PCDHA1: variants seen among roughly 807,000 people sequenced by gnomAD.
PCDHA1 encodes protocadherin alpha 1.
In PCDHA1, 42 loss-of-function variants were observed where a neutral mutation model predicts 61.3. That is an observed-to-expected ratio of 0.69 (90% CI 0.54 to 0.89). PCDHA1 has a LOEUF of 0.89. PCDHA1 is among the 40% of genes least tolerant of loss of function. The pLI is 0.00. For missense variants in PCDHA1, 1,256 were observed against 1,235.3 expected, an observed-to-expected ratio of 1.02 and a Z score of -0.25; for synonymous variants, 610 against 553.8, an observed-to-expected ratio of 1.10 and a Z score of -1.43.
At chr5:140,884,129 C>T (rs1554181252) in intron 1 of PCDHA1, 1 of 1,613,420 alleles carries the variant, frequency 6.2e-7, no homozygotes, top group Non-Finnish European at 8.5e-7. Context: ...CGCGCGCATC[C>T]CGTTCCGCGT....
At chr5:140,842,857 G>C in intron 1 of PCDHA1, 1 of 1,594,002 alleles carries the variant, frequency 6.3e-7, no homozygotes, top group Non-Finnish European at 8.6e-7. Flanking sequence ...CGGTGCACAC[G>C]GAGAGCGGCA....
chr5:140,799,901 A>C (rs1554121043), intron 1 of PCDHA1, among the ~76,000 whole-genome samples: 9 of 152,112 alleles, frequency 5.9e-5, no homozygotes, highest in Non-Finnish European at 1.0e-4. Flanking sequence ...CCCACTTCCA[A>C]ATGCGGCGAG....
intron 1 of PCDHA1, chr5:140,855,916 A>G (rs2043673154): frequency 8.4e-7 from 1 of 1,191,010 alleles, no homozygotes. Flanking sequence ...CTCAAGGACT[A>G]GGAAGTAGCG....
At chr5:140,928,856 T>G (rs540865490) in intron 1 of PCDHA1, 1 of 1,614,218 alleles carries the variant, frequency 6.2e-7, no homozygotes, top group African/African-American at 1.3e-5. Context: ...CTGGGTGTGC[T>G]GTTGAGCAAC....
chr5:140,787,580 G>C lies in PCDHA1; in HGVS notation c.1290G>C (p.Gly430=), dbSNP rs781921269. Residue 430 remains glycine, a synonymous_variant, in exon 1 of 4, where the codon GGG becomes GGC. Transcript: ENST00000504120. ...VYELVVTARD[G]GSPSLWATAR... The stretch of plus-strand genomic sequence containing the variant: ...AGCTGGTGGTGACCGCGCGGGACGG[G>C]GGCTCGCCTTCGCTGTGGGCCACGG... 9 of 1,614,166 alleles carry C rather than the reference G, an allele frequency of 5.6e-6. No homozygotes were observed. The African/African-American group carries it at 9.3e-5, about 17-fold the overall frequency.
chr5:140,967,334 A>T, intron 1 of PCDHA1: 1 of 1,608,228 alleles, frequency 6.2e-7, no homozygotes, highest in South Asian at 1.1e-5. Flanking sequence ...GCTCAGCCCC[A>T]GCGAGCACTT....
intron 3 of PCDHA1, among the ~76,000 whole-genome samples, chr5:140,996,703 C>G (rs2097740523): frequency 6.6e-6 from 1 of 152,132 alleles, no homozygotes; most frequent in African/African-American, 2.4e-5. Context: ...GAACCTCTAT[C>G]TCTTTGATTT....
At chr5:140,890,776 A>G (rs1554184541) in intron 1 of PCDHA1, among the ~76,000 whole-genome samples, 1 of 152,316 alleles carries the variant, frequency 6.6e-6, no homozygotes, top group Non-Finnish European at 1.5e-5. Flanking sequence ...TTAAAACCCC[A>G]TAAGATATTA....
chr5:140,790,210 G>A (rs782491676), intron 1 of PCDHA1, among the ~76,000 whole-genome samples: 4 of 152,156 alleles, frequency 2.6e-5, no homozygotes, highest in Non-Finnish European at 5.9e-5. Flanking sequence ...TGGGCAGCAC[G>A]TTTTATAGCA....
intron 1 of PCDHA1, among the ~76,000 whole-genome samples, chr5:140,833,509 G>A (rs2150209186): frequency 1.1e-3 from 173 of 152,196 alleles, no homozygotes; most frequent in African/African-American, 4.1e-3. Context: ...GTAAAAATAG[G>A]CATATATTCA....
intron 1 of PCDHA1, chr5:140,842,095 A>G: frequency 6.2e-7 from 1 of 1,613,924 alleles, no homozygotes; most frequent in Non-Finnish European, 8.5e-7. Flanking sequence ...CAGACAACGG[A>G]ACAACAGTTA....
intron 1 of PCDHA1, among the ~76,000 whole-genome samples, chr5:140,949,308 G>T (rs1323575169): frequency 6.6e-6 from 1 of 151,722 alleles, no homozygotes; most frequent in African/African-American, 2.4e-5. Flanking sequence ...TGGGTGTAAT[G>T]ATTTATAAAT....
chr5:140,875,254 T>C, intron 1 of PCDHA1: 1 of 1,054,680 alleles, frequency 9.5e-7, no homozygotes, highest in Non-Finnish European at 1.3e-6. Flanking sequence ...ATCAGTCACA[T>C]GATGTCGCTC....
At chr5:140,884,533 G>T in intron 1 of PCDHA1, 1 of 1,614,082 alleles carries the variant, frequency 6.2e-7, no homozygotes, top group Non-Finnish European at 8.5e-7. Flanking sequence ...AGCAGAGGCG[G>T]CCGAGGGTGT....
At chr5:140,895,332 G>C (rs1021596445) in intron 1 of PCDHA1, among the ~76,000 whole-genome samples, 1 of 151,584 alleles carries the variant, frequency 6.6e-6, no homozygotes, top group South Asian at 2.1e-4. Context: ...TTCTCAAATT[G>C]TTTTACTATG....
At chr5:140,789,871 T>G (rs1761558173) in intron 1 of PCDHA1, among the ~76,000 whole-genome samples, 2 of 152,374 alleles carry the variant, frequency 1.3e-5, no homozygotes, top group Middle Eastern at 3.4e-3. Context: ...AAAACTTGCT[T>G]GCTGTTAATA....
chr5:140,877,606 G>A, intron 1 of PCDHA1: 1 of 1,613,888 alleles, frequency 6.2e-7, no homozygotes, highest in Non-Finnish European at 8.5e-7. Flanking sequence ...CAGCCTGCTG[G>A]TGCTCACGCT....
chr5:140,967,108 G>A (rs2096097580), intron 1 of PCDHA1: 1 of 1,612,960 alleles, frequency 6.2e-7, no homozygotes, highest in South Asian at 1.1e-5. Flanking sequence ...GTGAGCAGCG[G>A]CCTCGCTGCC....
At chr5:140,869,751 CG>C (rs782746767) in intron 1 of PCDHA1, 1 of 1,613,134 alleles carries the variant, frequency 6.2e-7, no homozygotes, top group South Asian at 1.1e-5. Flanking sequence ...CAGCTACAGA[CG>C]GGGGAAAACC....
Sources: allele counts gnomAD v4.1 joint callset (sites outside exome capture counted in the v4.1 genomes callset), GRCh38; gene constraint gnomAD v4.1.1; transcripts MANE v1.5; gene names NCBI Gene and HGNC (gene_info 2026-07-23, HGNC 2026-07-21).